The following MAP4 variants were observed in gnomAD, a reference collection of about 807,000 sequenced individuals.
MAP4 encodes microtubule associated protein 4, also known as microtubule-associated protein 4.
In MAP4, 76 loss-of-function variants were observed where a neutral mutation model predicts 170.2. The ratio of observed to expected loss-of-function variants is 0.45; its 90% CI spans 0.37 to 0.54. The LOEUF (loss-of-function observed/expected upper bound fraction) is 0.54. Among genes scored for constraint, MAP4 ranks in the 20% least tolerant of loss-of-function variants. The probability of loss-of-function intolerance (pLI) is 0.00; values close to 1 mark genes in which losing one functional copy is unlikely to be tolerated. For synonymous variants in MAP4, 909 were observed against 994.5 expected, an observed-to-expected ratio of 0.91 and a Z score of 1.62; for missense variants, 2,506 against 2,748.0, an observed-to-expected ratio of 0.91 and a Z score of 1.97.
At chr3:47,988,011 G>C (rs557398784) in intron 2 of MAP4, among the ~76,000 whole-genome samples, 1 of 152,034 alleles carries the variant, frequency 6.6e-6, no homozygotes, top group African/African-American at 2.4e-5. Flanking sequence ...TGGCTAACAC[G>C]GTGAAACCCC....
intron 3 of MAP4, among the ~76,000 whole-genome samples, chr3:47,963,291 C>T (rs2100072794): frequency 1.3e-5 from 2 of 152,208 alleles, no homozygotes; most frequent in Non-Finnish European, 2.9e-5. Context: ...TCTATGTGGA[C>T]ATTAATCATC....
chr3:47,961,666 T>C (rs1368088561), intron 3 of MAP4, among the ~76,000 whole-genome samples: 2 of 152,158 alleles, frequency 1.3e-5, no homozygotes, highest in African/African-American at 2.4e-5. Context: ...CTAAGCTTAG[T>C]AGAGGGCATG....
chr3:48,086,588 G>A (rs374336430), intron 1 of MAP4, among the ~76,000 whole-genome samples: 7 of 152,150 alleles, frequency 4.6e-5, no homozygotes, highest in African/African-American at 9.7e-5. Context: ...GCAGTGAGCC[G>A]AGATCCTGCC....
chr3:47,955,460 A>G (rs1486041483), intron 3 of MAP4, among the ~76,000 whole-genome samples: 1 of 151,676 alleles, frequency 6.6e-6, no homozygotes, highest in African/African-American at 2.4e-5. Flanking sequence ...ACACACACAC[A>G]CACACACACA....
intron 9 of MAP4, among the ~76,000 whole-genome samples, chr3:47,906,084 C>CAAA (rs536980998): frequency 1.7e-4 from 22 of 129,360 alleles, no homozygotes; most frequent in African/African-American, 5.7e-4. Context: ...TACACATAAC[C>CAAA]AAAAAAAAAA....
chr3:47,852,787 C>A lies in MAP4; in HGVS notation c.*147G>T. 6.5e-7 allele frequency: 1 copy of A among 1,548,144 alleles called. No homozygotes were observed. The highest frequency in any genetic ancestry group is 8.7e-7 in the Non-Finnish European group (1 of 1,146,822). Reference sequence around the variant, plus strand: ...GCCCAGCACGGCGCCCAAGCGCTCACTGGTCTAGTGGACAGCCCGGGAAAG... The same window carrying A: ...GCCCAGCACGGCGCCCAAGCGCTCAATGGTCTAGTGGACAGCCCGGGAAAG... On this transcript the variant is annotated 3_prime_UTR_variant, in exon 21 of 21. Transcript: ENST00000683076.
intron 10 of MAP4, among the ~76,000 whole-genome samples, chr3:47,893,026 T>TAA (rs35541072): frequency 0.014 from 1,619 of 118,142 alleles, 20 homozygotes; most frequent in Admixed American, 0.025. Context: ...AAAATTGGAC[T>TAA]AAAAAAAAAA....
chr3:47,901,568 T>C (rs2100030028), intron 10 of MAP4, among the ~76,000 whole-genome samples: 1 of 151,768 alleles, frequency 6.6e-6, no homozygotes, highest in Non-Finnish European at 1.5e-5. Context: ...TCCAGCTACT[T>C]GCAACTGAGG....
chr3:48,086,152 TCA>T lies in MAP4; in HGVS notation c.-20+2619_-20+2620del, dbSNP rs373452472. Among the ~76,000 whole-genome samples, 492 of 148,136 alleles carry T rather than the reference TCA, an allele frequency of 3.3e-3. 1 individual carries two copies. Among genetic ancestry groups the T allele is most frequent in the African/African-American group, 5.4e-3 (218 of 40,416 alleles). ...TGTGTGTGCACGTATATACACACAC[TCA>T]CACACACACACACACACAAATTAGC... On this transcript the variant is annotated intron_variant, in intron 1 of 18. Coordinates refer to the MAP4 transcript ENST00000360240.
intron 18 of MAP4, among the ~76,000 whole-genome samples, chr3:47,857,096 AG>A (rs2057845018): frequency 6.6e-6 from 1 of 152,234 alleles, no homozygotes; most frequent in Admixed American, 6.5e-5. Context: ...CTCCTTCAGC[AG>A]TAGCTTCTGT....
chr3:48,052,072 C>T lies in MAP4; in HGVS notation c.-20+36701G>A, dbSNP rs140167162. On this transcript the variant is annotated intron_variant, in intron 1 of 18. Transcript: ENST00000360240. ...CCAGTTGTGACCCATGAGAATGTTTCCAGACACTGTCAAATGTCCCCTAAA... is the reference window on the plus strand; with the variant it reads ...CCAGTTGTGACCCATGAGAATGTTTTCAGACACTGTCAAATGTCCCCTAAA... 4.9e-3 allele frequency among the ~76,000 whole-genome samples: 749 copies of T among 152,250 alleles called. 4 individuals are homozygous for T. The highest frequency in any genetic ancestry group is 0.014 in the African/African-American group (578 of 41,544).
rs2100120167 is a variant in MAP4 at position 48,038,816 on chromosome 3, T to G, written c.-19-39937A>C. ...TGTTGTTTTGCTTTTAAGAGTTGGC[T>G]GTAGGCCAAGGGCGATGGCTCATGC... On this transcript the variant is annotated intron_variant, in intron 1 of 18. Coordinates refer to the MAP4 transcript ENST00000360240. Among the ~76,000 whole-genome samples, 2 of 152,048 alleles carry G rather than the reference T, an allele frequency of 1.3e-5. 1 individual carries two copies. The highest frequency in any genetic ancestry group is 4.2e-4 in the South Asian group (2 of 4,816).
chr3:47,974,794 A>G (rs1402921229), intron 3 of MAP4: 2 of 969,388 alleles, frequency 2.1e-6, no homozygotes, highest in Non-Finnish European at 2.5e-6. Context: ...CCAACTTGCA[A>G]ATAATAAAGG....
At chr3:47,903,304 C>A (rs541064792) in intron 9 of MAP4, among the ~76,000 whole-genome samples, 3 of 152,124 alleles carry the variant, frequency 2.0e-5, no homozygotes, top group African/African-American at 4.8e-5. Context: ...GAGGCCAAGG[C>A]GGGCGGATCA....
At chr3:47,901,397 G>A (rs1052849422) in intron 10 of MAP4, among the ~76,000 whole-genome samples, 10 of 152,094 alleles carry the variant, frequency 6.6e-5, no homozygotes, top group Admixed American at 2.0e-4. Context: ...CTGTGTGTCC[G>A]CTATTTGCAG....
chr3:48,074,676 T>TTTTGCGTGTGTGTGTGTGTG (rs746281743), intron 1 of MAP4, among the ~76,000 whole-genome samples: 1 of 90,640 alleles, frequency 1.1e-5, no homozygotes, highest in African/African-American at 4.9e-5. Context: ...ATCCAGCTAA[T>TTTTGCGTGTGTGTGTGTGTG]TGTGTGTGTG....
intron 3 of MAP4, chr3:47,974,105 A>C: frequency 1.0e-6 from 1 of 985,300 alleles, no homozygotes; most frequent in Non-Finnish European, 1.2e-6. Flanking sequence ...CCATCTCAAA[A>C]GTAGTTCTGT....
chr3:47,860,837 G>A (rs990161059), intron 17 of MAP4, among the ~76,000 whole-genome samples: 9 of 152,030 alleles, frequency 5.9e-5, no homozygotes, highest in African/African-American at 2.2e-4. Flanking sequence ...AGGGACAACA[G>A]AATATGTTAA....
intron 17 of MAP4, among the ~76,000 whole-genome samples, chr3:47,862,013 T>C (rs1344051703): frequency 6.6e-6 from 1 of 151,288 alleles, no homozygotes; most frequent in Non-Finnish European, 1.5e-5. Flanking sequence ...TACAAAAAAT[T>C]AGCCGGGCGT....
Sources: gnomAD v4.1 joint callset for allele counts (sites outside exome capture counted in the v4.1 genomes callset) on GRCh38, gnomAD v4.1.1 for gene constraint, MANE v1.5 for transcripts, NCBI Gene and HGNC (gene_info 2026-07-23, HGNC 2026-07-21) for gene names.